Variants in COL28A1 observed in about 807,000 individuals in gnomAD.
COL28A1 encodes the protein collagen type XXVIII alpha 1 chain, also known as collagen alpha-1(XXVIII) chain.
COL28A1 carries 161 observed loss-of-function variants against 150.2 expected under a neutral mutation model. The ratio of observed to expected loss-of-function variants is 1.07; its 90% CI spans 0.94 to 1.22. The LOEUF (loss-of-function observed/expected upper bound fraction) is 1.22. Ranked by LOEUF, COL28A1 falls within the 50% of genes most tolerant of loss-of-function variation. The pLI, the probability that COL28A1 is intolerant of heterozygous loss-of-function variation, is 0.00. For synonymous variants in COL28A1, 552 were observed against 469.7 expected (o/e 1.18, Z -2.26); for missense variants, 1,617 against 1,388.3 (o/e 1.16, Z -2.62).
intron 15 of COL28A1, among the ~76,000 whole-genome samples, chr7:7,463,882 G>C (rs1215185302): frequency 2.6e-5 from 4 of 152,114 alleles, no homozygotes; most frequent in Non-Finnish European, 4.4e-5. Context: ...GAATGGATAA[G>C]AATTCACCAA....
intron 18 of COL28A1, among the ~76,000 whole-genome samples, chr7:7,445,276 G>A (rs1786162066): frequency 6.6e-6 from 1 of 152,208 alleles, no homozygotes; most frequent in Non-Finnish European, 1.5e-5. Context: ...CAGACACACA[G>A]GGAGAGCACC....
intron 3 of COL28A1, among the ~76,000 whole-genome samples, 175 bp from the exon 4 acceptor site, chr7:7,524,424 G>C (rs572224027): frequency 6.6e-6 from 1 of 152,124 alleles, no homozygotes; most frequent in Non-Finnish European, 1.5e-5. Flanking sequence ...GGAGCAGTCC[G>C]AGCCATGTAA....
At chr7:7,523,185 G>T (rs1781835172) in intron 4 of COL28A1, among the ~76,000 whole-genome samples, 1 of 130,704 alleles carries the variant, frequency 7.7e-6, no homozygotes, top group South Asian at 2.4e-4. Flanking sequence ...TTTTAAACGG[G>T]AGTCTCACTC....
intron 2 of COL28A1, among the ~76,000 whole-genome samples, chr7:7,532,340 A>G (rs952745666): frequency 3.3e-5 from 5 of 151,812 alleles, no homozygotes; most frequent in Non-Finnish European, 5.9e-5. Context: ...AAATGACTAT[A>G]CCCCCTATAC....
chr7:7,454,112 T>C, intron 16 of COL28A1, among the ~76,000 whole-genome samples: 1 of 152,198 alleles, frequency 6.6e-6, no homozygotes, highest in East Asian at 1.9e-4. Context: ...TACATTTGTA[T>C]ATGTGGTTGT....
At chr7:7,359,591 CA>C (rs910375051) in intron 34 of COL28A1, among the ~76,000 whole-genome samples, 1 of 152,024 alleles carries the variant, frequency 6.6e-6, no homozygotes, top group Non-Finnish European at 1.5e-5. Context: ...TGGGAGAAGC[CA>C]AAAAACACAC....
chr7:7,461,206 G>C (rs1787593401), intron 15 of COL28A1, among the ~76,000 whole-genome samples: 1 of 152,182 alleles, frequency 6.6e-6, no homozygotes, highest in African/African-American at 2.4e-5. Context: ...CGAAATACAG[G>C]AGTAGAGAAA....
chr7:7,520,778 C>G (rs1345550410), intron 5 of COL28A1, among the ~76,000 whole-genome samples: 2 of 152,094 alleles, frequency 1.3e-5, no homozygotes, highest in Non-Finnish European at 2.9e-5. Flanking sequence ...CAATTGTGAG[C>G]TTTCTTATTG....
At chr7:7,491,988 G>A (rs2881888) in intron 11 of COL28A1, among the ~76,000 whole-genome samples, 147,408 of 152,288 alleles carry the variant, frequency 0.97, 71,388 homozygotes, top group East Asian at 1. Flanking sequence ...ACATTCACAC[G>A]TGTACCTTTA....
chr7:7,442,600 T>C (rs564757511), intron 20 of COL28A1, among the ~76,000 whole-genome samples: 2 of 152,346 alleles, frequency 1.3e-5, no homozygotes, highest in African/African-American at 4.8e-5. Context: ...AGGATTCAAT[T>C]TTAGTGAGTA....
chr7:7,347,705 G>A, the COL28A1 span, among the ~76,000 whole-genome samples: 1 of 152,102 alleles, frequency 6.6e-6, no homozygotes, highest in Non-Finnish European at 1.5e-5. Flanking sequence ...TAGTCTGTAG[G>A]AGACTGCCAT....
intron 25 of COL28A1, among the ~76,000 whole-genome samples, chr7:7,427,870 G>A (rs1045256596): frequency 1.1e-4 from 17 of 152,082 alleles, no homozygotes; most frequent in South Asian, 4.2e-4. Context: ...GATAGAAGAC[G>A]GACAGCATAG....
At chr7:7,521,255 G>A (rs923245399) in intron 5 of COL28A1, among the ~76,000 whole-genome samples, 1 of 152,180 alleles carries the variant, frequency 6.6e-6, no homozygotes, top group African/African-American at 2.4e-5. Context: ...TGATCTAGAT[G>A]TCATTTCAAA....
At chr7:7,357,219 T>A (rs568640947), downstream of COL28A1, 3 of 152,242 alleles carry the variant, frequency 2.0e-5, no homozygotes, top group East Asian at 5.9e-4. Context: ...CTGGCTAATT[T>A]TTGTATTCTT....
At chr7:7,369,388 T>C (rs1452707198) in intron 33 of COL28A1, among the ~76,000 whole-genome samples, 1 of 152,248 alleles carries the variant, frequency 6.6e-6, no homozygotes, top group Non-Finnish European at 1.5e-5. Flanking sequence ...TTAAGTATTA[T>C]CTATGGCTAT....
chr7:7,543,753 A>G, the COL28A1 span, among the ~76,000 whole-genome samples: 1 of 151,674 alleles, frequency 6.6e-6, no homozygotes, highest in Admixed American at 6.6e-5. Context: ...TTTTAATGTA[A>G]TTTATTTACT....
At chr7:7,431,405 T>A (rs1784962901) in intron 25 of COL28A1, 1 of 387,762 alleles carries the variant, frequency 2.6e-6, no homozygotes, top group Admixed American at 3.2e-5. Context: ...TCTCAGAAAG[T>A]GATACACGCT....
At chr7:7,419,428 A>G (rs1207726782) in intron 26 of COL28A1, among the ~76,000 whole-genome samples, 4 of 152,204 alleles carry the variant, frequency 2.6e-5, no homozygotes, top group Non-Finnish European at 5.9e-5. Flanking sequence ...CATAGAAAGG[A>G]GGGAAACTGG....
Position 7,358,715 on chromosome 7 carries a change from C to T in COL28A1, c.3296G>A (p.Arg1099Gln), listed in dbSNP as rs371049337. Residue 1099 changes from arginine (R) to glutamine (Q), a missense_variant, in exon 35 of 35, where the codon CGA becomes CAA. Transcript: ENST00000399429. ...GCCATTACAGCCACTGAACCAAAAT[C>T]GGGCACAAGAGTTGACCTGTTTGTC... ...YYDKQVNSCA[R>Q]FWFSGCNGSG... 9 of 1,613,876 alleles carry T rather than the reference C, an allele frequency of 5.6e-6. No individual in the cohort carries two copies. Among genetic ancestry groups the T allele is most frequent in the African/African-American group, 1.3e-5 (1 of 74,884 alleles).
Sources: allele counts gnomAD v4.1 joint callset (sites outside exome capture counted in the v4.1 genomes callset), GRCh38; gene constraint gnomAD v4.1.1; transcripts MANE v1.5; gene names NCBI Gene and HGNC (gene_info 2026-07-23, HGNC 2026-07-21).